CCDC201: variants seen among roughly 807,000 people sequenced by gnomAD.
CCDC201 encodes the protein coiled-coil domain-containing protein 201.
the CCDC201 span, among the ~76,000 whole-genome samples, chr7:45,884,853 C>T: frequency 6.6e-6 from 1 of 152,140 alleles, no homozygotes; most frequent in Admixed American, 6.5e-5. Context: ...AAGACTGTGG[C>T]TCAGTGTAGG....
At chr7:45,867,685 G>A (rs1226818511) in intron 1 of CCDC201, among the ~76,000 whole-genome samples, 4 of 152,192 alleles carry the variant, frequency 2.6e-5, no homozygotes, top group African/African-American at 9.7e-5. Context: ...CCAGTCTAAG[G>A]TGAAACCCTG....
chr7:45,875,200 A>T (rs1470301588), upstream of CCDC201, among the ~76,000 whole-genome samples: 1 of 152,206 alleles, frequency 6.6e-6, no homozygotes, highest in Non-Finnish European at 1.5e-5. Context: ...ATCTCATTTT[A>T]AAAATGACAC....
chr7:45,866,795 T>C (rs1562789790), intron 1 of CCDC201, among the ~76,000 whole-genome samples: 1 of 152,206 alleles, frequency 6.6e-6, no homozygotes, highest in African/African-American at 2.4e-5. Context: ...GAAGCATAGA[T>C]AACATTCAGG....
rs537957779 is a variant in CCDC201, at chr7:45,864,572, T to C, written c.478-1401A>G. Among the ~76,000 whole-genome samples, 39 of 152,210 alleles carry C rather than the reference T, an allele frequency of 2.6e-4. 1 individual carries two copies. Among genetic ancestry groups the C allele is most frequent in the African/African-American group, 8.7e-4 (36 of 41,532 alleles). Reference sequence around the variant, plus strand: ...CGTCAGCTCCCACCCAGCCCTGTGATGGCCCCCTCCAAATCGGGAGGCAGC... The same window carrying C: ...CGTCAGCTCCCACCCAGCCCTGTGACGGCCCCCTCCAAATCGGGAGGCAGC... On this transcript the variant is annotated intron_variant, in intron 2 of 2. Transcript: ENST00000636578.
At chr7:45,861,971 C>G (rs910923462) in exon 3 of CCDC201, 1 of 152,286 alleles carries the variant, frequency 6.6e-6, no homozygotes, top group African/African-American at 2.4e-5. Context: ...GATGCCTGTA[C>G]TTGGGAGAAT....
upstream of CCDC201, among the ~76,000 whole-genome samples, chr7:45,873,542 C>T (rs1225264999): frequency 6.6e-6 from 1 of 152,154 alleles, no homozygotes; most frequent in Admixed American, 6.5e-5. Flanking sequence ...CTTGTTAGAG[C>T]CCAGAGCGCT....
chr7:45,863,295 C>T (rs1474679360), intron 2 of CCDC201, 124 bp from the exon 3 acceptor site: 1 of 152,202 alleles, frequency 6.6e-6, no homozygotes, highest in Non-Finnish European at 1.5e-5. Context: ...CCCAGCCAGC[C>T]CTATACAATT....
At chr7:45,869,819 A>AC (rs1786723253) in intron 1 of CCDC201, among the ~76,000 whole-genome samples, 1 of 140,794 alleles carries the variant, frequency 7.1e-6, no homozygotes, top group Admixed American at 7.2e-5. Flanking sequence ...GTTGCTCCAC[A>AC]TTTTTTTTTT....
exon 3 of CCDC201, chr7:45,860,189 C>A (rs1320785892): frequency 6.6e-6 from 1 of 152,260 alleles, no homozygotes; most frequent in Non-Finnish European, 1.5e-5. Context: ...TTACAAAGAA[C>A]CTTCTTAAGC....
upstream of CCDC201, among the ~76,000 whole-genome samples, chr7:45,873,597 G>A (rs925037128): frequency 6.6e-6 from 1 of 152,168 alleles, no homozygotes; most frequent in African/African-American, 2.4e-5. Flanking sequence ...GCAGGGACCC[G>A]TGATTGGTAT....
chr7:45,877,610 A>G (rs1179869847), upstream of CCDC201, among the ~76,000 whole-genome samples: 1 of 152,188 alleles, frequency 6.6e-6, no homozygotes, highest in Non-Finnish European at 1.5e-5. Flanking sequence ...AGAGAGGAAG[A>G]GGAGGTGCTA....
chr7:45,861,473 C>T (rs1786599834), exon 3 of CCDC201: 1 of 152,130 alleles, frequency 6.6e-6, no homozygotes, highest in African/African-American at 2.4e-5. Flanking sequence ...ATAGAACATC[C>T]AATGAAATAT....
At chr7:45,867,281 CT>C (rs1372610347) in intron 1 of CCDC201, among the ~76,000 whole-genome samples, 1 of 152,220 alleles carries the variant, frequency 6.6e-6, no homozygotes, top group Non-Finnish European at 1.5e-5. Context: ...CTCCGCACAT[CT>C]GGCCGATTTA....
chr7:45,875,607 A>G (rs1786792259), upstream of CCDC201, among the ~76,000 whole-genome samples: 1 of 152,214 alleles, frequency 6.6e-6, no homozygotes, highest in African/African-American at 2.4e-5. Context: ...AACAACACCT[A>G]ATGAATAAGA....
At chr7:45,877,943 C>T (rs1327905147), upstream of CCDC201, among the ~76,000 whole-genome samples, 5 of 152,186 alleles carry the variant, frequency 3.3e-5, no homozygotes, top group Non-Finnish European at 7.3e-5. Flanking sequence ...GCCTGTAAAA[C>T]CAAAATAAGT....
At chr7:45,870,252 A>T (rs1352816316) in intron 1 of CCDC201, among the ~76,000 whole-genome samples, 5 of 152,224 alleles carry the variant, frequency 3.3e-5, no homozygotes, top group Non-Finnish European at 5.9e-5. Flanking sequence ...GCATTTCTGT[A>T]ATGAGTAAAG....
At chr7:45,878,133 G>A in the CCDC201 span, among the ~76,000 whole-genome samples, 1 of 152,218 alleles carries the variant, frequency 6.6e-6, no homozygotes, top group Non-Finnish European at 1.5e-5. Context: ...TGCAAGGGGT[G>A]TTCTCCCAAG....
chr7:45,882,644 G>A, the CCDC201 span, among the ~76,000 whole-genome samples: 1 of 152,200 alleles, frequency 6.6e-6, no homozygotes, highest in African/African-American at 2.4e-5. Flanking sequence ...CAGAGGCCGT[G>A]TGTGGCCCTA....
chr7:45,872,754 G>A (rs1433709014), intron 1 of CCDC201, among the ~76,000 whole-genome samples: 1 of 152,186 alleles, frequency 6.6e-6, no homozygotes. Context: ...ATCAAGAGGA[G>A]ACTCTGGGCA....
Sources: gnomAD v4.1 joint callset for allele counts (sites outside exome capture counted in the v4.1 genomes callset) on GRCh38, gnomAD v4.1.1 for gene constraint, MANE v1.5 for transcripts, NCBI Gene and HGNC (gene_info 2026-07-23, HGNC 2026-07-21) for gene names.